IGSF11: variants seen among roughly 807,000 people sequenced by gnomAD.
IGSF11 encodes the protein CXADR like 1.
In IGSF11, 22 loss-of-function variants were observed where a neutral mutation model predicts 41.0. That is an observed-to-expected ratio of 0.54 (90% CI 0.38 to 0.77). The LOEUF is 0.77. IGSF11 is among the 30% of genes least tolerant of loss of function. The probability of loss-of-function intolerance (pLI) is 0.00; values close to 1 mark genes in which losing one functional copy is unlikely to be tolerated. For synonymous variants in IGSF11, 219 were observed against 201.3 expected (o/e 1.09, Z -0.74); for missense variants, 444 against 530.8 (o/e 0.84, Z 1.61).
intron 1 of IGSF11, among the ~76,000 whole-genome samples, chr3:119,055,161 A>G (rs1469651989): frequency 1.3e-5 from 2 of 152,182 alleles, no homozygotes; most frequent in East Asian, 1.9e-4. Context: ...GGACATCCAC[A>G]CCAAACACCC....
intron 1 of IGSF11, among the ~76,000 whole-genome samples, chr3:119,048,380 AT>A (rs1340755713): frequency 1.3e-5 from 2 of 152,214 alleles, no homozygotes; most frequent in Non-Finnish European, 2.9e-5. Context: ...CTCTACGCAA[AT>A]AAACTAGAAA....
intron 1 of IGSF11, among the ~76,000 whole-genome samples, chr3:118,967,780 A>C (rs543063871): frequency 6.6e-6 from 1 of 152,180 alleles, no homozygotes; most frequent in African/African-American, 2.4e-5. Context: ...AAGTGAATAC[A>C]TATAGTTGTA....
intron 1 of IGSF11, among the ~76,000 whole-genome samples, chr3:119,071,267 A>T (rs1313885570): frequency 6.6e-6 from 1 of 152,166 alleles, no homozygotes; most frequent in Non-Finnish European, 1.5e-5. Flanking sequence ...ATTTATTCCC[A>T]TTCTGTGTGT....
intron 4 of IGSF11, among the ~76,000 whole-genome samples, chr3:118,916,369 G>A (rs1378335681): frequency 1.3e-5 from 2 of 152,062 alleles, no homozygotes. Context: ...CCCATCTCAC[G>A]TGCAGAGATA....
At chr3:119,014,924 C>T (rs1365812057) in intron 1 of IGSF11, among the ~76,000 whole-genome samples, 1 of 152,192 alleles carries the variant, frequency 6.6e-6, no homozygotes, top group Admixed American at 6.5e-5. Context: ...AATACCTATA[C>T]ACCTTTTTAT....
At chr3:119,119,576 C>T (rs2077305137) in intron 1 of IGSF11, among the ~76,000 whole-genome samples, 1 of 152,214 alleles carries the variant, frequency 6.6e-6, no homozygotes, top group South Asian at 2.1e-4. Flanking sequence ...CCCATGACTC[C>T]TCCCTCTCCA....
chr3:119,106,345 T>C (rs991389834), upstream of IGSF11, among the ~76,000 whole-genome samples: 1 of 152,160 alleles, frequency 6.6e-6, no homozygotes, highest in Non-Finnish European at 1.5e-5. Flanking sequence ...ACCATCACCA[T>C]TTCCCCCCGA....
upstream of IGSF11, among the ~76,000 whole-genome samples, chr3:119,106,723 G>C (rs939100281): frequency 2.6e-5 from 4 of 152,084 alleles, no homozygotes; most frequent in Non-Finnish European, 1.5e-5. Flanking sequence ...ATCTCCTAAT[G>C]CTATCCCTCC....
At chr3:118,958,922 A>G (rs1230254044) in intron 1 of IGSF11, among the ~76,000 whole-genome samples, 2 of 152,254 alleles carry the variant, frequency 1.3e-5, no homozygotes, top group African/African-American at 4.8e-5. Flanking sequence ...GAGATTCTCA[A>G]CATTAATAGA....
intron 1 of IGSF11, among the ~76,000 whole-genome samples, chr3:119,096,970 G>A (rs2076862752): frequency 6.6e-6 from 1 of 151,844 alleles, no homozygotes; most frequent in South Asian, 2.1e-4. Context: ...CATACTTTTG[G>A]TACCAAGTTT....
chr3:119,051,708 A>G (rs1157459038), intron 1 of IGSF11, among the ~76,000 whole-genome samples: 1 of 152,220 alleles, frequency 6.6e-6, no homozygotes, highest in Non-Finnish European at 1.5e-5. Context: ...ACATTCTCCA[A>G]GATAGACCAT....
rs189351255 is a variant in IGSF11, at chr3:119,139,974, G to C, written c.-14+5839C>G. 3.3e-5 allele frequency among the ~76,000 whole-genome samples: 5 copies of C among 152,174 alleles called. No individual in the cohort carries two copies. The East Asian group carries it at 9.7e-4, about 29-fold the overall frequency. On this transcript the variant is annotated intron_variant, in intron 1 of 7. Coordinates refer to the IGSF11 transcript ENST00000425327. Reference sequence around the variant, plus strand: ...ATTTTAAGCTAAGATTAAACTAACTGTAATATCCAGATAAATCAGAAAGAA... The same window carrying C: ...ATTTTAAGCTAAGATTAAACTAACTCTAATATCCAGATAAATCAGAAAGAA...
At chr3:118,925,140 T>C (rs529955919) in intron 4 of IGSF11, among the ~76,000 whole-genome samples, 65 of 152,318 alleles carry the variant, frequency 4.3e-4, no homozygotes, top group South Asian at 2.1e-4. Context: ...AAAAGACTAT[T>C]GTAAGGTCCA....
upstream of IGSF11, among the ~76,000 whole-genome samples, chr3:119,107,428 G>A (rs1386239754): frequency 6.6e-6 from 1 of 152,128 alleles, no homozygotes; most frequent in Non-Finnish European, 1.5e-5. Flanking sequence ...ACTTTTTGAT[G>A]GGGTTGTTTG....
intron 1 of IGSF11, among the ~76,000 whole-genome samples, chr3:119,067,303 C>G (rs1276507560): frequency 6.6e-6 from 1 of 152,154 alleles, no homozygotes; most frequent in Non-Finnish European, 1.5e-5. Flanking sequence ...TGGCTCACCT[C>G]TTTTCCTCAG....
intron 1 of IGSF11, among the ~76,000 whole-genome samples, chr3:119,031,661 A>C (rs1370193067): frequency 6.6e-6 from 1 of 152,218 alleles, no homozygotes; most frequent in Non-Finnish European, 1.5e-5. Context: ...TGCTTCCTGA[A>C]TAGTCCATGT....
intron 1 of IGSF11, among the ~76,000 whole-genome samples, chr3:119,115,521 A>T (rs1172906454): frequency 6.6e-6 from 1 of 152,174 alleles, no homozygotes; most frequent in African/African-American, 2.4e-5. Flanking sequence ...GCACCTTTTC[A>T]TATACCTGTT....
chr3:119,115,216 C>A (rs1171584401), intron 1 of IGSF11, among the ~76,000 whole-genome samples: 1 of 152,196 alleles, frequency 6.6e-6, no homozygotes, highest in African/African-American at 2.4e-5. Context: ...CATGAAAGTG[C>A]AGCTATCTCT....
At chr3:118,977,336 C>T (rs560746857) in intron 1 of IGSF11, among the ~76,000 whole-genome samples, 1 of 152,234 alleles carries the variant, frequency 6.6e-6, no homozygotes, top group South Asian at 2.1e-4. Context: ...GGCTAAGGGG[C>T]AGGACCACAT....
Sources: gnomAD v4.1 joint callset for allele counts (sites outside exome capture counted in the v4.1 genomes callset) on GRCh38, gnomAD v4.1.1 for gene constraint, MANE v1.5 for transcripts, NCBI Gene and HGNC (gene_info 2026-07-23, HGNC 2026-07-21) for gene names.